The following SNX18 variants were observed in gnomAD, a reference collection of about 807,000 sequenced individuals.
SNX18 encodes sorting nexin-18.
A neutral mutation model predicts 48.7 loss-of-function variants in SNX18; 35 were observed. That is an observed-to-expected ratio of 0.72 (90% CI 0.55 to 0.95). SNX18 has a LOEUF of 0.95. Ranked by LOEUF, SNX18 falls within the 40% of genes least tolerant of loss-of-function variation. SNX18 has a pLI of 0.00. For synonymous variants in SNX18, 492 were observed against 384.7 expected (o/e 1.28, Z -3.26); for missense variants, 824 against 871.0 (o/e 0.95, Z 0.68).
chr5:54,641,078 T>C, the SNX18 span, among the ~76,000 whole-genome samples: 1 of 151,366 alleles, frequency 6.6e-6, no homozygotes. Flanking sequence ...AAAAAAAAAA[T>C]CAGGAAGGAG....
At chr5:54,532,507 C>T (rs1336598769) in intron 1 of SNX18, among the ~76,000 whole-genome samples, 5 of 151,976 alleles carry the variant, frequency 3.3e-5, no homozygotes, top group Middle Eastern at 6.8e-3. Context: ...AGTATGTCTA[C>T]CTTATTTTAT....
At chr5:54,646,998 T>C in the SNX18 span, among the ~76,000 whole-genome samples, 3 of 152,264 alleles carry the variant, frequency 2.0e-5, no homozygotes, top group African/African-American at 7.2e-5. Flanking sequence ...CTGTAACAAG[T>C]GTCTCAAGAG....
the SNX18 span, among the ~76,000 whole-genome samples, chr5:54,600,880 G>A: frequency 6.6e-6 from 1 of 152,090 alleles, no homozygotes; most frequent in Non-Finnish European, 1.5e-5. Flanking sequence ...AATGGATGTT[G>A]GGCTTAATAC....
intron 1 of SNX18, among the ~76,000 whole-genome samples, chr5:54,540,981 T>G (rs1231073138): frequency 6.6e-6 from 1 of 152,220 alleles, no homozygotes; most frequent in Non-Finnish European, 1.5e-5. Context: ...TGAATTTTTT[T>G]TTCCTTTAGT....
intron 1 of SNX18, among the ~76,000 whole-genome samples, chr5:54,525,580 A>C (rs967320106): frequency 3.3e-5 from 5 of 152,184 alleles, no homozygotes; most frequent in Admixed American, 3.3e-4. Flanking sequence ...GGATAAATGT[A>C]GATGTTGTTT....
the SNX18 span, among the ~76,000 whole-genome samples, chr5:54,615,296 C>A: frequency 0.18 from 28,093 of 152,156 alleles, 2,809 homozygotes; most frequent in East Asian, 0.32. Flanking sequence ...AGCTACAATT[C>A]TAGCCTGTCT....
At chr5:54,618,356 C>A in the SNX18 span, among the ~76,000 whole-genome samples, 1 of 152,032 alleles carries the variant, frequency 6.6e-6, no homozygotes, top group East Asian at 1.9e-4. Context: ...GAGAATGGAC[C>A]AATATACAGA....
intron 1 of SNX18, among the ~76,000 whole-genome samples, chr5:54,537,159 G>T (rs561378702): frequency 6.6e-6 from 1 of 152,230 alleles, no homozygotes; most frequent in South Asian, 2.1e-4. Context: ...GTGAAACCTT[G>T]TCTCTACAGT....
chr5:54,549,532 G>C (rs78862282), downstream of SNX18, among the ~76,000 whole-genome samples: 378 of 152,250 alleles, frequency 2.5e-3, 1 homozygote, highest in African/African-American at 7.4e-3. Context: ...GAGAGGTTCA[G>C]CTCTCCAGAG....
rs756900849 is a variant in SNX18, at chr5:54,518,606, G to T, written c.654G>T (p.Gly218=). Residue 218 remains glycine, a synonymous_variant, in exon 1 of 2, where the codon GGG becomes GGT. Transcript: ENST00000381410. The stretch of plus-strand genomic sequence containing the variant: ...TCCCCCCGCAGCACCACCCGTCGGG[G>T]CCCAAGAGCTCGGCCACCGTGAGCC... ...GSVPPQHHPS[G]PKSSATVSRN... is the part of the protein sequence containing the mutation. The T allele has an allele frequency of 5.7e-6, 9 of 1,573,414 alleles. No homozygotes were observed. Among genetic ancestry groups the T allele is most frequent in the South Asian group, 4.7e-5 (4 of 84,788 alleles).
chr5:54,588,306 C>CTTTATTTTTTTTTTTTTTTTTTTTT, the SNX18 span, among the ~76,000 whole-genome samples: 1 of 73,912 alleles, frequency 1.4e-5, no homozygotes, highest in Non-Finnish European at 2.5e-5. Flanking sequence ...TATTTCTATT[C>CTTTATTTTTTTTTTTTTTTTTTTTT]TTTTTTTTTT....
the SNX18 span, among the ~76,000 whole-genome samples, chr5:54,591,303 C>G: frequency 6.6e-6 from 1 of 152,186 alleles, no homozygotes; most frequent in Non-Finnish European, 1.5e-5. Flanking sequence ...CCTCAGCCCC[C>G]AGAGTAGCTG....
At chr5:54,639,847 T>C in the SNX18 span, among the ~76,000 whole-genome samples, 3 of 152,282 alleles carry the variant, frequency 2.0e-5, no homozygotes, top group African/African-American at 7.2e-5. Flanking sequence ...CCAAGGAGGT[T>C]ATGCAAGGGC....
At chr5:54,561,451 C>T in the SNX18 span, among the ~76,000 whole-genome samples, 2 of 152,056 alleles carry the variant, frequency 1.3e-5, no homozygotes, top group African/African-American at 4.8e-5. Context: ...GGTCCTTTCA[C>T]CTCAGCCTCC....
chr5:54,597,596 T>A, the SNX18 span, among the ~76,000 whole-genome samples: 1 of 151,954 alleles, frequency 6.6e-6, no homozygotes, highest in Non-Finnish European at 1.5e-5. Flanking sequence ...TTATTCAAAA[T>A]CACACAACCA....
At chr5:54,556,764 G>T in the SNX18 span, among the ~76,000 whole-genome samples, 3 of 152,068 alleles carry the variant, frequency 2.0e-5, no homozygotes, top group Non-Finnish European at 4.4e-5. Flanking sequence ...TTGCAGGATT[G>T]GGGGGTATGC....
chr5:54,524,469 C>A (rs1762092912), intron 1 of SNX18, among the ~76,000 whole-genome samples: 1 of 152,208 alleles, frequency 6.6e-6, no homozygotes, highest in South Asian at 2.1e-4. Flanking sequence ...CTTAGGACTT[C>A]TAAGCATAAT....
chr5:54,522,142 A>C (rs906181641), intron 1 of SNX18, among the ~76,000 whole-genome samples: 1 of 152,224 alleles, frequency 6.6e-6, no homozygotes, highest in African/African-American at 2.4e-5. Flanking sequence ...GCGATACATA[A>C]GGCTAAAAGC....
chr5:54,591,048 A>C, the SNX18 span, among the ~76,000 whole-genome samples: 1 of 151,644 alleles, frequency 6.6e-6, no homozygotes, highest in Non-Finnish European at 1.5e-5. Flanking sequence ...TGATGTCCTC[A>C]TCTCTCTCCC....
Sources: gnomAD v4.1 joint callset for allele counts (sites outside exome capture counted in the v4.1 genomes callset) on GRCh38, gnomAD v4.1.1 for gene constraint, MANE v1.5 for transcripts, NCBI Gene and HGNC (gene_info 2026-07-23, HGNC 2026-07-21) for gene names.